JHY: variants seen among roughly 807,000 people sequenced by gnomAD.
The protein encoded by JHY is jhy protein homolog.
A neutral mutation model predicts 78.0 loss-of-function variants in JHY; 69 were observed. That is an observed-to-expected ratio of 0.88 (90% CI 0.73 to 1.08). The LOEUF is 1.08. Among genes scored for constraint, JHY ranks in the 50% least tolerant of loss-of-function variants. The probability of loss-of-function intolerance (pLI) is 0.00; values close to 1 mark genes in which losing one functional copy is unlikely to be tolerated. For missense variants in JHY, 944 were observed against 927.8 expected, an observed-to-expected ratio of 1.02 and a Z score of -0.23; for synonymous variants, 368 against 342.6, an observed-to-expected ratio of 1.07 and a Z score of -0.82.
chr11:122,951,398 G>T (rs899577513), intron 6 of JHY, among the ~76,000 whole-genome samples: 6 of 152,234 alleles, frequency 3.9e-5, no homozygotes, highest in Admixed American at 3.9e-4. Context: ...TCATGTGTTT[G>T]TTGTCACAGA....
At chr11:122,916,135 G>A (rs1265267577) in intron 3 of JHY, among the ~76,000 whole-genome samples, 2 of 152,068 alleles carry the variant, frequency 1.3e-5, no homozygotes, top group Non-Finnish European at 2.9e-5. Context: ...TTAGGTGACT[G>A]TAGTTAGTAA....
In JHY at chr11:122,959,969, C is replaced by T. The variant is rs1453964240; in HGVS notation, c.*524C>T. ...TAAGTTGAGGCCGGGCACAGTGGCT[C>T]ACGCCTGTAATCCCAGCACTTTGGG... On this transcript the variant is annotated 3_prime_UTR_variant, in exon 9 of 9. Coordinates refer to ENST00000227349, the MANE Select transcript of JHY (RefSeq NM_024806.4). Among the ~76,000 whole-genome samples, 1 of 152,142 alleles carries T rather than the reference C, an allele frequency of 6.6e-6. No individual in the cohort carries two copies. Among genetic ancestry groups the T allele is most frequent in the Non-Finnish European group, 1.5e-5 (1 of 68,022 alleles).
rs1176048302 is a variant in JHY at position 122,885,839 on chromosome 11, C to T, written c.-11C>T. On this transcript the variant is annotated 5_prime_UTR_variant, in exon 2 of 9. Coordinates refer to ENST00000227349, the MANE Select transcript of JHY (RefSeq NM_024806.4). The stretch of plus-strand genomic sequence containing the variant: ...ACGAGTATCCCCTGTTAATTTTTTG[C>T]ATTTTTCAAGATGAGTAAACGTAAA... 1.9e-6 allele frequency: 3 copies of T among 1,583,882 alleles called. No individual in the cohort carries two copies. The highest frequency in any genetic ancestry group is 2.7e-5 in the African/African-American group (2 of 73,572).
chr11:122,911,041 C>A (rs763373634), intron 3 of JHY, among the ~76,000 whole-genome samples: 4 of 152,180 alleles, frequency 2.6e-5, no homozygotes, highest in Non-Finnish European at 5.9e-5. Flanking sequence ...TACTTTTATT[C>A]ATGATTTGTT....
intron 3 of JHY, among the ~76,000 whole-genome samples, chr11:122,909,346 G>A (rs1863063596): frequency 6.6e-6 from 1 of 152,096 alleles, no homozygotes; most frequent in African/African-American, 2.4e-5. Flanking sequence ...AAACATAATG[G>A]CCAAGAGTAT....
At chr11:122,915,295 G>C (rs1863212216) in intron 3 of JHY, among the ~76,000 whole-genome samples, 1 of 152,104 alleles carries the variant, frequency 6.6e-6, no homozygotes, top group South Asian at 2.1e-4. Context: ...TTCTGCTGCT[G>C]TCTGTATCTG....
intron 3 of JHY, among the ~76,000 whole-genome samples, chr11:122,918,127 C>T (rs1465322577): frequency 1.3e-5 from 2 of 151,492 alleles, no homozygotes; most frequent in Admixed American, 6.6e-5. Flanking sequence ...TCTCGAACTC[C>T]TGGTTTCAAG....
chr11:122,921,196 C>T (rs917724650), intron 3 of JHY, among the ~76,000 whole-genome samples: 1 of 152,168 alleles, frequency 6.6e-6, no homozygotes, highest in Non-Finnish European at 1.5e-5. Context: ...CCTACATTTT[C>T]TGGAATAGGA....
chr11:122,882,902 G>T lies in JHY; in HGVS notation c.-160G>T, dbSNP rs1448486429. On this transcript the variant is annotated 5_prime_UTR_variant, in exon 1 of 9. Transcript: ENST00000227349. Reference sequence around the variant, plus strand: ...CAGCGCCGGGGCGGGCGGGGGCCCGGGCGGCGGCGGCGGCGGCGCGGGAGG... The same window carrying T: ...CAGCGCCGGGGCGGGCGGGGGCCCGTGCGGCGGCGGCGGCGGCGCGGGAGG... 1 of 151,478 alleles carries T rather than the reference G, an allele frequency of 6.6e-6. No homozygotes were observed. The highest frequency in any genetic ancestry group is 2.4e-5 in the African/African-American group (1 of 41,216). 9.4% of individuals were successfully genotyped at this position (151,478 alleles called of 1,614,324 possible).
chr11:122,939,975 TA>T (rs1345857433), intron 5 of JHY, among the ~76,000 whole-genome samples: 14 of 142,930 alleles, frequency 9.8e-5, no homozygotes, highest in African/African-American at 2.6e-4. Context: ...TTTTTTTTTT[TA>T]AATTCCTGAT....
rs1862487970 is a variant in JHY, at chr11:122,886,035, T to C, written c.186T>C (p.Asp62=). Residue 62 remains aspartate (D), a synonymous_variant, in exon 2 of 9, where the codon GAT becomes GAC. Coordinates refer to ENST00000227349, the MANE Select transcript of JHY (RefSeq NM_024806.4). ...QEIMCHSEFD[D]RIRGNGMEPD... ...TTATGTGCCATTCTGAGTTTGATGA[T>C]CGAATCCGGGGCAACGGTATGGAGC... 2 of 1,614,124 alleles carry C rather than the reference T, an allele frequency of 1.2e-6. No homozygotes were observed. Among genetic ancestry groups the C allele is most frequent in the Non-Finnish European group, 1.7e-6 (2 of 1,180,036 alleles).
At chr11:122,904,812 A>T (rs1452494192) in intron 3 of JHY, among the ~76,000 whole-genome samples, 1 of 152,246 alleles carries the variant, frequency 6.6e-6, no homozygotes. Context: ...TGTTTTCCAA[A>T]TGATAAAATA....
intron 3 of JHY, among the ~76,000 whole-genome samples, chr11:122,913,413 G>T (rs887685374): frequency 6.6e-6 from 1 of 152,022 alleles, no homozygotes; most frequent in Non-Finnish European, 1.5e-5. Flanking sequence ...TTAATGTGAC[G>T]CCATGTTACC....
intron 3 of JHY, among the ~76,000 whole-genome samples, chr11:122,916,857 T>C (rs1031418952): frequency 6.6e-6 from 1 of 152,122 alleles, no homozygotes; most frequent in Non-Finnish European, 1.5e-5. Context: ...TTCAAACTCC[T>C]GGCCTCAAGT....
chr11:122,885,704 G>A (rs1004344769), intron 1 of JHY, 57 bp from the exon 2 acceptor site: 24 of 621,902 alleles, frequency 3.9e-5, no homozygotes, highest in Non-Finnish European at 5.8e-5. Flanking sequence ...TTTGATTAAC[G>A]TTGACAGTAT....
chr11:122,901,248 A>T (rs1205956388), intron 2 of JHY, among the ~76,000 whole-genome samples: 2 of 152,196 alleles, frequency 1.3e-5, no homozygotes, highest in African/African-American at 2.4e-5. Context: ...CTATATAGGC[A>T]CTCACCATGA....
chr11:122,929,176 C>T (rs563738462), intron 4 of JHY, among the ~76,000 whole-genome samples: 4 of 151,720 alleles, frequency 2.6e-5, no homozygotes, highest in African/African-American at 9.7e-5. Context: ...ATCTGCCTGC[C>T]TTGGCCTCCC....
At position 122,963,078 on chromosome 11, in the gene JHY, C is replaced by A. The variant is rs569788786; in HGVS notation, c.*3633C>A. On this transcript the variant is annotated 3_prime_UTR_variant, in exon 9 of 9. Coordinates refer to ENST00000227349, the MANE Select transcript of JHY (RefSeq NM_024806.4). ...CATGTACAATCTGCCAACTTCCTTA[C>A]AACATTGATAAAAGTAGAATACACA... is the stretch of plus-strand genomic sequence containing the variant. Among the ~76,000 whole-genome samples the A allele has an allele frequency of 1.6e-4, 24 of 152,170 alleles. No homozygotes were observed. The highest frequency in any genetic ancestry group is 5.8e-4 in the African/African-American group (24 of 41,520).
chr11:122,925,706 A>T (rs1863482281), intron 4 of JHY, among the ~76,000 whole-genome samples: 1 of 151,746 alleles, frequency 6.6e-6, no homozygotes, highest in South Asian at 2.1e-4. Context: ...ACATAGTGAA[A>T]CCCTGTCTCT....
Sources: gnomAD v4.1 joint callset for allele counts (sites outside exome capture counted in the v4.1 genomes callset) on GRCh38, gnomAD v4.1.1 for gene constraint, MANE v1.5 for transcripts, NCBI Gene and HGNC (gene_info 2026-07-23, HGNC 2026-07-21) for gene names.